RNF213: variants seen among roughly 807,000 people sequenced by gnomAD.
RNF213 encodes E3 ubiquitin-protein ligase RNF213.
RNF213 carries 341 observed loss-of-function variants against 514.4 expected under a neutral mutation model. That is an observed-to-expected ratio of 0.66 (90% CI 0.61 to 0.73). The LOEUF (loss-of-function observed/expected upper bound fraction) is 0.73. Among genes scored for constraint, RNF213 ranks in the 30% least tolerant of loss-of-function variants. The pLI, the probability that RNF213 is intolerant of heterozygous loss-of-function variation, is 0.00. For synonymous variants in RNF213, 2,655 were observed against 2,658.2 expected, an observed-to-expected ratio of 1.00 and a Z score of 0.04; for missense variants, 5,767 against 6,615.6, an observed-to-expected ratio of 0.87 and a Z score of 4.45.
Position 80,396,933 on chromosome 17 carries a change from C to G in RNF213, c.*3435C>G, listed in dbSNP as rs539078424. The G allele has an allele frequency of 6.6e-6, 1 of 152,272 alleles. No homozygotes were observed. 9.4% of individuals were successfully genotyped at this position (152,272 alleles called of 1,614,324 possible). The stretch of plus-strand genomic sequence containing the variant: ...CCACCAGGCTGCCCCTGCTCAGGTG[C>G]TCCACAGCCCATAAAAAACGCCTTC... On this transcript the variant is annotated 3_prime_UTR_variant, in exon 68 of 68. Coordinates refer to ENST00000582970, the MANE Select transcript of RNF213 (RefSeq NM_001256071.3).
chr17:80,265,624 T>C (rs1177907023), intron 2 of RNF213, among the ~76,000 whole-genome samples: 1 of 152,202 alleles, frequency 6.6e-6, no homozygotes, highest in African/African-American at 2.4e-5. Context: ...GCATAAATGA[T>C]CTGAGAGTTT....
chr17:80,325,971 ATTTT>A (rs940044521), intron 18 of RNF213, among the ~76,000 whole-genome samples: 2 of 126,000 alleles, frequency 1.6e-5, no homozygotes, highest in Admixed American at 7.8e-5. Flanking sequence ...TTATTTATTT[ATTTT>A]GGAGATGGAG....
intron 36 of RNF213, among the ~76,000 whole-genome samples, chr17:80,356,697 G>A (rs980455827): frequency 6.6e-5 from 10 of 152,256 alleles, no homozygotes; most frequent in East Asian, 5.8e-4. Flanking sequence ...CTCTCCCAGC[G>A]CTTGTCCCAG....
chr17:80,301,710 T>C (rs750203855), intron 11 of RNF213, among the ~76,000 whole-genome samples: 1 of 152,208 alleles, frequency 6.6e-6, no homozygotes, highest in Non-Finnish European at 1.5e-5. Context: ...GTACTGCCAC[T>C]ATGGAGGACA....
chr17:80,339,441 A>T lies in RNF213; in HGVS notation c.5074A>T (p.Thr1692Ser). 6.5e-7 allele frequency: 1 copy of T among 1,537,192 alleles called. No homozygotes were observed. Among genetic ancestry groups the T allele is most frequent in the South Asian group, 1.2e-5 (1 of 84,058 alleles). The change falls in exon 26 of 68, where the codon ACC becomes TCC. Residue 1692 changes from threonine (T) to serine (S), a missense_variant. Physicochemically the swap from Thr to Ser is moderately conservative, Grantham distance 58. Around this residue, in one of 13 missense-constraint regions of RNF213, gnomAD observed 1,377 missense variants for 1,635.2 expected, o/e 0.84. Transcript: ENST00000582970. ...CCTTGACAGCTGGAAGAGATTTGTG[A>T]CCCAGAAGCGAATGGAGCACTTTTA... ...HFLDSWKRFV[T>S]QKRMEHFYLN...
rs567940222 is a variant in RNF213 at position 80,284,212 on chromosome 17, A to AG, written c.262-3603_262-3602insG. Among the ~76,000 whole-genome samples the AG allele has an allele frequency of 4.0e-3, 616 of 152,198 alleles. 5 individuals carry two copies. The highest frequency in any genetic ancestry group is 0.014 in the African/African-American group (576 of 41,498). On this transcript the variant is annotated intron_variant, in intron 3 of 67. Transcript: ENST00000582970. The stretch of plus-strand genomic sequence containing the variant: ...TCTGTACAAAAATACAAAAAAAAAA[A>AG]AATTAGCCGGGCATGATGGCAGGTG...
chr17:80,353,851 C>T lies in RNF213; in HGVS notation c.10579-168C>T, dbSNP rs977570626. The T allele has an allele frequency of 5.9e-6, 7 of 1,194,596 alleles. No individual in the cohort carries two copies. The African/African-American group carries it at 9.0e-5, about 15-fold the overall frequency. The allele number at this position is 1,194,596 out of a possible 1,614,324, so 74.0% of individuals were successfully genotyped here. On this transcript the variant is annotated intron_variant, in intron 34 of 67. Transcript: ENST00000582970. The surrounding 1 kb of genome is among the most constrained non-coding windows in gnomAD (Gnocchi z 5.0). ...TTACTGGGGGTCAAGGGCATCTGCA[C>T]CGGCAGTTTGGGGGGTGCAGGGCGG...
At chr17:80,384,964 G>T (rs1599204793) in intron 59 of RNF213, 75 bp from the exon 60 acceptor site, 1 of 1,484,914 alleles carries the variant, frequency 6.7e-7, no homozygotes, top group East Asian at 2.3e-5. Flanking sequence ...CTCGCAGCCA[G>T]TCTCAAAGTC....
chr17:80,268,279 A>G (rs1156318865), intron 2 of RNF213, among the ~76,000 whole-genome samples: 1 of 146,914 alleles, frequency 6.8e-6, no homozygotes, highest in Non-Finnish European at 1.5e-5. Context: ...GCTGGAGCCC[A>G]GGAGGTCAAC....
chr17:80,261,861 C>G (rs2145055890), intron 1 of RNF213, among the ~76,000 whole-genome samples: 1 of 152,234 alleles, frequency 6.6e-6, no homozygotes, highest in East Asian at 1.9e-4. Flanking sequence ...ACTAAAAACA[C>G]AAAAAATTAG....
intron 22 of RNF213, among the ~76,000 whole-genome samples, chr17:80,334,619 T>G (rs1249150471): frequency 2.0e-5 from 3 of 148,212 alleles, no homozygotes; most frequent in South Asian, 4.2e-4. Context: ...CAGAGAGGTT[T>G]TTTTTTTTTG....
chr17:80,362,596 G>A (rs545544798), intron 39 of RNF213, among the ~76,000 whole-genome samples: 9 of 152,338 alleles, frequency 5.9e-5, no homozygotes, highest in African/African-American at 1.9e-4. Flanking sequence ...CAGGCCACGC[G>A]GCTGACAGTG....
At chr17:80,368,483 A>T (rs2079372517) in intron 44 of RNF213, among the ~76,000 whole-genome samples, 1 of 141,352 alleles carries the variant, frequency 7.1e-6, no homozygotes, top group African/African-American at 2.7e-5. Flanking sequence ...CCCAGGCTGG[A>T]GTACAGTGGC....
chr17:80,359,726 TAACA>T (rs1469998470), intron 37 of RNF213, among the ~76,000 whole-genome samples: 2 of 152,210 alleles, frequency 1.3e-5, no homozygotes, highest in Non-Finnish European at 2.9e-5. Context: ...GCAAAGACTC[TAACA>T]AGTTGTGCTC....
At position 80,377,908 on chromosome 17, in the gene RNF213, G is replaced by C; in HGVS notation, c.13545+112G>C. 8.0e-7 allele frequency: 1 copy of C among 1,247,454 alleles called. No individual in the cohort carries two copies. The highest frequency in any genetic ancestry group is 1.2e-5 in the South Asian group (1 of 83,372). The allele number at this position is 1,247,454 out of a possible 1,614,324, so 77.3% of individuals were successfully genotyped here. A position where few individuals can be genotyped will look rare whatever the true frequency, so the allele number is the denominator to read the frequency against. On this transcript the variant is annotated intron_variant, in intron 54 of 67. Coordinates refer to ENST00000582970, the MANE Select transcript of RNF213 (RefSeq NM_001256071.3). This position sits in a 1 kb window ranked among gnomAD's most constrained non-coding sequence, Gnocchi z 4.1. ...CTCTCGGCCTTCCAGGAGAGCACAG[G>C]CTCACCGAGGACTGCCCAGGGTGCT...
rs776579145 is a variant in RNF213, at chr17:80,386,375, C to T, written c.14665C>T (p.Arg4889Cys). The part of the protein sequence containing the change: ...CATALVSYLI[R>C]LHNEIVYAVE... ...TACCGCTCTCGTCAGCTACTTGATT[C>T]GCCTACACAATGAAATTGTCTACGC... Residue 4889 changes from arginine to cysteine, a missense_variant, in exon 62 of 68, where the codon CGC becomes TGC. Transcript: ENST00000582970. 23 of 1,614,134 alleles carry T rather than the reference C, an allele frequency of 1.4e-5. No homozygotes were observed. The highest frequency in any genetic ancestry group is 2.2e-5 in the East Asian group (1 of 44,880).
chr17:80,398,189 G>C lies in RNF213; in HGVS notation c.*4691G>C, dbSNP rs1247955713. The C allele has an allele frequency of 1.3e-5, 2 of 151,916 alleles. No homozygotes were observed. The highest frequency in any genetic ancestry group is 4.8e-5 in the African/African-American group (2 of 41,332). The allele number at this position is 151,916 out of a possible 1,614,324, so 9.4% of individuals were successfully genotyped here. A position where few individuals can be genotyped will look rare whatever the true frequency, so the allele number is the denominator to read the frequency against. On this transcript the variant is annotated 3_prime_UTR_variant, in exon 68 of 68. Coordinates refer to ENST00000582970, the MANE Select transcript of RNF213 (RefSeq NM_001256071.3). Reference sequence around the variant, plus strand: ...GATACTTTGGTTTTGGTTTTGACCTGACTTGGATATCCTGATACTCTGATT... The same window carrying C: ...GATACTTTGGTTTTGGTTTTGACCTCACTTGGATATCCTGATACTCTGATT...
At chr17:80,309,997 G>C (rs945170171) in intron 14 of RNF213, among the ~76,000 whole-genome samples, 1 of 151,944 alleles carries the variant, frequency 6.6e-6, no homozygotes, top group Non-Finnish European at 1.5e-5. Flanking sequence ...CTCATGATCC[G>C]CCTGCCTTGG....
chr17:80,302,383 GTACAGAT>G lies in RNF213; in HGVS notation c.2211-3862_2211-3856del, dbSNP rs528955551. Among the ~76,000 whole-genome samples the G allele has an allele frequency of 1.8e-3, 277 of 152,168 alleles. 9 individuals carry two copies. In the South Asian group the frequency reaches 0.026, roughly 14 times the overall value. On this transcript the variant is annotated intron_variant, in intron 11 of 67. Coordinates refer to ENST00000582970, the MANE Select transcript of RNF213 (RefSeq NM_001256071.3). ...GCATATATATTGTATCCATATATTTGTACAGATTACAGACTGTATACTTTGTACATAG... is the reference window on the plus strand; with the variant it reads ...GCATATATATTGTATCCATATATTTGTACAGACTGTATACTTTGTACATAG...
Sources: allele counts gnomAD v4.1 joint callset (sites outside exome capture counted in the v4.1 genomes callset), GRCh38; gene constraint gnomAD v4.1.1; regional missense constraint gnomAD v4.1.1; non-coding constraint Gnocchi (gnomAD v3.1); transcripts MANE v1.5; gene names NCBI Gene and HGNC (gene_info 2026-07-23, HGNC 2026-07-21).